The following KCNH5 variants were observed in gnomAD, a reference collection of about 807,000 sequenced individuals.
KCNH5 encodes the protein potassium voltage-gated channel subfamily H member 5.
A neutral mutation model predicts 96.1 loss-of-function variants in KCNH5; 46 were observed. The ratio of observed to expected loss-of-function variants is 0.48; its 90% CI spans 0.38 to 0.61. The LOEUF is 0.61. KCNH5 is among the 20% of genes least tolerant of loss of function. KCNH5 has a pLI of 0.00. For missense variants in KCNH5, 907 were observed against 1,225.8 expected (o/e 0.74, Z 3.88); for synonymous variants, 439 against 449.8 (o/e 0.98, Z 0.30).
At chr14:62,987,597 T>C (rs1890734752) in intron 4 of KCNH5, among the ~76,000 whole-genome samples, 1 of 152,176 alleles carries the variant, frequency 6.6e-6, no homozygotes, top group East Asian at 1.9e-4. Flanking sequence ...ACAGAAGTAA[T>C]GTGTGTCACT....
intron 8 of KCNH5, among the ~76,000 whole-genome samples, chr14:62,828,510 G>GA (rs1458929887): frequency 1.3e-5 from 2 of 152,156 alleles, no homozygotes; most frequent in African/African-American, 4.8e-5. Context: ...AAGGGAAGGG[G>GA]AAGGAAGGAC....
intron 8 of KCNH5, among the ~76,000 whole-genome samples, chr14:62,816,251 A>ATT (rs1886975750): frequency 6.6e-6 from 1 of 151,940 alleles, no homozygotes; most frequent in African/African-American, 2.4e-5. Flanking sequence ...CAACACTAAC[A>ATT]CTTACATAGG....
At chr14:62,740,380 T>C (rs557371688) in intron 10 of KCNH5, among the ~76,000 whole-genome samples, 1 of 152,328 alleles carries the variant, frequency 6.6e-6, no homozygotes, top group African/African-American at 2.4e-5. Context: ...TTCTCTGGCC[T>C]AGGTTGTCAG....
chr14:62,870,569 A>G (rs964417858), intron 7 of KCNH5, among the ~76,000 whole-genome samples: 2 of 152,174 alleles, frequency 1.3e-5, no homozygotes, highest in African/African-American at 2.4e-5. Flanking sequence ...GTTTTATTCT[A>G]TTTATAAATC....
intron 2 of KCNH5, among the ~76,000 whole-genome samples, chr14:63,008,308 G>A (rs1247772666): frequency 1.3e-5 from 2 of 151,786 alleles, no homozygotes; most frequent in Admixed American, 6.6e-5. Flanking sequence ...ACTCAAATGA[G>A]GGCCCCTGAA....
chr14:62,847,722 C>T (rs1028591710), intron 8 of KCNH5, among the ~76,000 whole-genome samples: 2 of 152,102 alleles, frequency 1.3e-5, no homozygotes. Context: ...TAATATTAGT[C>T]TCCCCATATT....
At chr14:62,766,301 T>C (rs969896976) in intron 10 of KCNH5, among the ~76,000 whole-genome samples, 3 of 152,166 alleles carry the variant, frequency 2.0e-5, no homozygotes, top group African/African-American at 7.2e-5. Context: ...AGAGCTACCA[T>C]ATCATCCAGC....
chr14:62,843,002 G>A (rs1887616782), intron 8 of KCNH5, among the ~76,000 whole-genome samples: 1 of 152,072 alleles, frequency 6.6e-6, no homozygotes, highest in African/African-American at 2.4e-5. Flanking sequence ...TTCTACATAT[G>A]TGCCTAAATC....
At chr14:62,719,574 A>G (rs1884761690) in intron 10 of KCNH5, among the ~76,000 whole-genome samples, 1 of 152,260 alleles carries the variant, frequency 6.6e-6, no homozygotes, top group Admixed American at 6.5e-5. Context: ...AGATTTGTAG[A>G]CAAAAAAAGG....
chr14:62,949,499 C>T (rs930319966), intron 7 of KCNH5, among the ~76,000 whole-genome samples: 2 of 152,190 alleles, frequency 1.3e-5, no homozygotes, highest in African/African-American at 2.4e-5. Flanking sequence ...GTGCAGAGCA[C>T]ATGGTCTTTG....
At chr14:62,898,272 A>G (rs1213312178) in intron 7 of KCNH5, among the ~76,000 whole-genome samples, 1 of 152,224 alleles carries the variant, frequency 6.6e-6, no homozygotes, top group Non-Finnish European at 1.5e-5. Flanking sequence ...GAAGTGAACA[A>G]TGGCATAAAA....
intron 8 of KCNH5, among the ~76,000 whole-genome samples, chr14:62,827,682 T>A (rs890368257): frequency 1.3e-5 from 2 of 152,208 alleles, no homozygotes; most frequent in East Asian, 3.9e-4. Context: ...AGGTTTTTTG[T>A]CTGATTTTAT....
chr14:62,729,342 G>T (rs12892389), intron 10 of KCNH5, among the ~76,000 whole-genome samples: 52,563 of 152,054 alleles, frequency 0.35, 10,048 homozygotes, highest in South Asian at 0.52. Flanking sequence ...AGAGATGAAG[G>T]TGCTATTCAT....
At chr14:62,935,559 G>C (rs914110916) in intron 7 of KCNH5, among the ~76,000 whole-genome samples, 1 of 152,148 alleles carries the variant, frequency 6.6e-6, no homozygotes, top group Non-Finnish European at 1.5e-5. Flanking sequence ...TTCCCACAGA[G>C]CTAGGAAAAA....
At position 62,703,847 on chromosome 14, in the gene KCNH5, A is replaced by C. The variant is rs1290367374; in HGVS notation, c.*3661T>G. ...ACAAACTCATAGAAAATTGCTTAAA[A>C]GATAAAAATTATACAAGATAGTGGA... On this transcript the variant is annotated 3_prime_UTR_variant, in exon 11 of 11. Coordinates refer to ENST00000322893, the MANE Select transcript of KCNH5 (RefSeq NM_139318.5). 4 of 152,056 alleles carry C rather than the reference A, an allele frequency of 2.6e-5. No individual in the cohort carries two copies. Among genetic ancestry groups the C allele is most frequent in the African/African-American group, 9.6e-5 (4 of 41,560 alleles). 9.4% of individuals were successfully genotyped at this position (152,056 alleles called of 1,614,324 possible). A position where few individuals can be genotyped will look rare whatever the true frequency, so the allele number is the denominator to read the frequency against.
chr14:62,954,380 T>C (rs1302734686), intron 6 of KCNH5, among the ~76,000 whole-genome samples: 1 of 152,192 alleles, frequency 6.6e-6, no homozygotes, highest in Non-Finnish European at 1.5e-5. Context: ...TACAAGTCTG[T>C]TTGCATGTAT....
At chr14:62,874,661 C>T (rs1237244912) in intron 7 of KCNH5, among the ~76,000 whole-genome samples, 4 of 151,084 alleles carry the variant, frequency 2.6e-5, no homozygotes, top group African/African-American at 9.8e-5. Context: ...TAAAAACTCT[C>T]AATAAATTAG....
intron 7 of KCNH5, among the ~76,000 whole-genome samples, chr14:62,857,139 T>C (rs12895668): frequency 0.32 from 48,163 of 151,950 alleles, 8,722 homozygotes; most frequent in South Asian, 0.61. Context: ...TACATGGCAA[T>C]GACTATTGAT....
At chr14:62,868,601 C>T (rs574180538) in intron 7 of KCNH5, among the ~76,000 whole-genome samples, 1 of 151,988 alleles carries the variant, frequency 6.6e-6, no homozygotes, top group East Asian at 1.9e-4. Context: ...ATGTGCTGAA[C>T]GTGCAGGTTT....
Sources: allele counts gnomAD v4.1 joint callset (sites outside exome capture counted in the v4.1 genomes callset), GRCh38; gene constraint gnomAD v4.1.1; transcripts MANE v1.5; gene names NCBI Gene and HGNC (gene_info 2026-07-23, HGNC 2026-07-21).